The following JADE3 variants were observed in gnomAD, a reference collection of about 807,000 sequenced individuals.
JADE3 encodes the protein protein Jade-3.
JADE3 carries 2 observed loss-of-function variants against 50.1 expected under a neutral mutation model. The ratio of observed to expected loss-of-function variants is 0.04; its 90% CI spans 0.02 to 0.13. JADE3 has a LOEUF of 0.13. Ranked by LOEUF, JADE3 falls within the 10% of genes least tolerant of loss-of-function variation. The pLI is 1.00. For synonymous variants in JADE3, 218 were observed against 232.9 expected, an observed-to-expected ratio of 0.94 and a Z score of 0.58; for missense variants, 475 against 634.4, an observed-to-expected ratio of 0.75 and a Z score of 2.70.
At chrX:47,055,722 A>G (rs953298318) in intron 9 of JADE3, among the ~76,000 whole-genome samples, 5 of 112,021 alleles carry the variant, frequency 4.5e-5, no homozygotes, top group African/African-American at 1.6e-4. Context: ...ATTGTACTGG[A>G]TACAGCCAGC....
chrX:46,998,111 T>C lies in JADE3; in HGVS notation c.127-9T>C, dbSNP rs1556357896. 3.3e-6 allele frequency: 4 copies of C among 1,196,834 alleles called. No individual in the cohort carries two copies. The highest frequency in any genetic ancestry group is 4.5e-6 in the Non-Finnish European group (4 of 883,264). On this transcript the variant is annotated splice_polypyrimidine_tract_variant and intron_variant, in intron 3 of 10. Transcript: ENST00000614628. ...TGGTCTTCTCAAGATATGTGCAATA[T>C]CTTTCCAGGTATTCCGGAAGGACCT... is the stretch of plus-strand genomic sequence containing the variant.
intron 1 of JADE3, among the ~76,000 whole-genome samples, chrX:46,928,825 C>G (rs1157172373): frequency 3.6e-5 from 4 of 111,214 alleles, no homozygotes; most frequent in African/African-American, 1.3e-4. Flanking sequence ...ATTGTGCAGG[C>G]TGGTCTTAAA....
chrX:47,002,519 TTAAG>T (rs1453552872), intron 4 of JADE3, among the ~76,000 whole-genome samples: 3 of 111,111 alleles, frequency 2.7e-5, no homozygotes, highest in Non-Finnish European at 3.8e-5. Flanking sequence ...AAATTTATGC[TTAAG>T]TGTTAAAATT....
At chrX:46,962,756 T>C (rs1927288474) in intron 1 of JADE3, among the ~76,000 whole-genome samples, 1 of 111,740 alleles carries the variant, frequency 8.9e-6, no homozygotes, top group Non-Finnish European at 1.9e-5. Context: ...AGTATTAGAT[T>C]GAACCCTATG....
intron 1 of JADE3, among the ~76,000 whole-genome samples, chrX:46,951,286 C>G (rs1926997865): frequency 1.1e-5 from 1 of 88,729 alleles, no homozygotes; most frequent in African/African-American, 4.1e-5. Context: ...CCTCGGCCTC[C>G]CAAAGTGCTG....
At chrX:46,967,957 T>C (rs905310641) in intron 1 of JADE3, among the ~76,000 whole-genome samples, 1 of 111,942 alleles carries the variant, frequency 8.9e-6, no homozygotes, top group East Asian at 2.8e-4. Context: ...CCAGGTGTGG[T>C]GAATATTTAT....
chrX:46,998,567 C>T (rs1290234944), intron 4 of JADE3, among the ~76,000 whole-genome samples: 2 of 111,053 alleles, frequency 1.8e-5, no homozygotes, highest in African/African-American at 6.5e-5. Flanking sequence ...CAAGTCTTGA[C>T]TCAACAGTCA....
chrX:47,040,451 T>TA (rs1556369371), intron 8 of JADE3, among the ~76,000 whole-genome samples: 2 of 111,689 alleles, frequency 1.8e-5, no homozygotes, highest in South Asian at 7.5e-4. Flanking sequence ...GAGCACTCCT[T>TA]ATGAGAATGT....
At chrX:47,006,750 A>T (rs782747355) in intron 4 of JADE3, among the ~76,000 whole-genome samples, 8 of 110,463 alleles carry the variant, frequency 7.2e-5, no homozygotes, top group Non-Finnish European at 1.5e-4. Flanking sequence ...TAATGTAAGC[A>T]TGTAGTACTA....
chrX:47,037,958 C>G (rs889750781), intron 7 of JADE3, among the ~76,000 whole-genome samples: 2 of 111,195 alleles, frequency 1.8e-5, no homozygotes, highest in African/African-American at 6.5e-5. Flanking sequence ...ACCCTTCCCA[C>G]CCTCTGGTAA....
At chrX:47,037,236 G>A (rs782211283) in intron 7 of JADE3, among the ~76,000 whole-genome samples, 5 of 111,246 alleles carry the variant, frequency 4.5e-5, no homozygotes, top group African/African-American at 1.3e-4. Context: ...TGGTTTTAAA[G>A]ACTTTTGTTT....
chrX:46,919,829 G>A (rs1926183139), intron 1 of JADE3, among the ~76,000 whole-genome samples: 1 of 111,036 alleles, frequency 9.0e-6, no homozygotes, highest in African/African-American at 3.3e-5. Flanking sequence ...AAAAATCTCT[G>A]ACATTTTAAA....
intron 1 of JADE3, among the ~76,000 whole-genome samples, chrX:46,961,687 T>C (rs933714271): frequency 1.3e-4 from 15 of 111,423 alleles, no homozygotes; most frequent in Non-Finnish European, 2.4e-4. Flanking sequence ...CGAAAGATCT[T>C]ATAAAAAACC....
At chrX:47,005,805 T>G (rs961231314) in intron 4 of JADE3, among the ~76,000 whole-genome samples, 12 of 111,464 alleles carry the variant, frequency 1.1e-4, no homozygotes, top group Admixed American at 9.5e-5. Flanking sequence ...GGAAGCCTAG[T>G]GGGGGGCTGA....
At chrX:47,018,427 G>A (rs946145259) in intron 4 of JADE3, among the ~76,000 whole-genome samples, 5 of 109,424 alleles carry the variant, frequency 4.6e-5, no homozygotes, top group Admixed American at 2.9e-4. Context: ...TCCGCCTCCC[G>A]GGTTCATGCC....
intron 4 of JADE3, among the ~76,000 whole-genome samples, chrX:47,023,346 AT>A (rs1928837985): frequency 9.0e-6 from 1 of 111,104 alleles, no homozygotes; most frequent in African/African-American, 3.3e-5. Context: ...GCTCCCACTT[AT>A]AAGTGAGAAC....
intron 1 of JADE3, among the ~76,000 whole-genome samples, chrX:46,951,685 G>A (rs1927008871): frequency 1.8e-5 from 2 of 109,001 alleles, no homozygotes; most frequent in Non-Finnish European, 1.9e-5. Context: ...TATCCCACAG[G>A]TCCCTGAGGC....
Position 46,984,874 on chromosome X carries a change from T to A in JADE3, c.-11-10T>A. On this transcript the variant is annotated splice_polypyrimidine_tract_variant and intron_variant, in intron 1 of 10. Transcript: ENST00000614628. ...TGAACTGTTTTATTCAGTGTTTTTC[T>A]TTTTCCCAGGATGCTCCAGGATGAA... The A allele has an allele frequency of 8.3e-7, 1 of 1,202,765 alleles. No individual in the cohort carries two copies. The highest frequency in any genetic ancestry group is 1.1e-6 in the Non-Finnish European group (1 of 887,499).
At chrX:47,016,611 A>C (rs1161665806) in intron 4 of JADE3, among the ~76,000 whole-genome samples, 2 of 111,111 alleles carry the variant, frequency 1.8e-5, no homozygotes, top group African/African-American at 6.5e-5. Context: ...AATAGGCCCC[A>C]TTTCTCAATA....
Sources: allele counts gnomAD v4.1 joint callset (sites outside exome capture counted in the v4.1 genomes callset), GRCh38; gene constraint gnomAD v4.1.1; transcripts MANE v1.5; gene names NCBI Gene and HGNC (gene_info 2026-07-23, HGNC 2026-07-21).